The following METTL16 variants were observed in gnomAD, a reference collection of about 807,000 sequenced individuals.
The protein encoded by METTL16 is RNA N(6)-adenosine-methyltransferase METTL16.
A neutral mutation model predicts 57.9 loss-of-function variants in METTL16; 19 were observed. That is an observed-to-expected ratio of 0.33 (90% CI 0.23 to 0.48). The LOEUF is 0.48. Ranked by LOEUF, METTL16 falls within the 20% of genes least tolerant of loss-of-function variation. The probability of loss-of-function intolerance (pLI) is 0.99; values close to 1 mark genes in which losing one functional copy is unlikely to be tolerated. For synonymous variants in METTL16, 246 were observed against 255.6 expected (o/e 0.96, Z 0.36); for missense variants, 434 against 691.5 (o/e 0.63, Z 4.18).
intron 2 of METTL16, among the ~76,000 whole-genome samples, chr17:2,493,379 C>T (rs900351336): frequency 9.9e-5 from 15 of 151,356 alleles, no homozygotes; most frequent in Non-Finnish European, 1.9e-4. Context: ...AGCCACCACA[C>T]CCAGCCCAGT....
chr17:2,423,264 GTGTGTGT>G lies in METTL16; in HGVS notation c.889-2367_889-2361del, dbSNP rs1567879518. Among the ~76,000 whole-genome samples the G allele has an allele frequency of 1.0e-3, 57 of 54,502 alleles. No individual in the cohort carries two copies. In the African/African-American group the frequency reaches 0.019, roughly 18 times the overall value. The allele number at this position is 54,502 out of a possible 152,430, so 35.8% of individuals were successfully genotyped here. On this transcript the variant is annotated intron_variant, in intron 8 of 9. Transcript: ENST00000263092. ...TAGGGAAGGATAAAAAACAAAGGGTGTGTGTGTGTGTGTGTGTGTGTGTGTGTGTGTG... is the reference window on the plus strand; with the variant it reads ...TAGGGAAGGATAAAAAACAAAGGGTGGTGTGTGTGTGTGTGTGTGTGTGTG...
chr17:2,481,228 C>CAA (rs74363068), intron 2 of METTL16, among the ~76,000 whole-genome samples: 28 of 113,888 alleles, frequency 2.5e-4, no homozygotes, highest in African/African-American at 8.1e-4. Context: ...GAAACAATGA[C>CAA]AAAAAAAAAA....
At position 2,423,261 on chromosome 17, in the gene METTL16, G is replaced by GGTGTGTGTGTGTGT. The variant is rs58486923; in HGVS notation, c.889-2371_889-2358dup. 4.8e-3 allele frequency among the ~76,000 whole-genome samples: 696 copies of GGTGTGTGTGTGTGT among 143,688 alleles called. 5 individuals carry two copies. Among genetic ancestry groups the GGTGTGTGTGTGTGT allele is most frequent in the East Asian group, 0.013 (60 of 4,740 alleles). The allele number at this position is 143,688 out of a possible 152,430, so 94.3% of individuals were successfully genotyped here. A position where few individuals can be genotyped will look rare whatever the true frequency, so the allele number is the denominator to read the frequency against. On this transcript the variant is annotated intron_variant, in intron 8 of 9. Coordinates refer to ENST00000263092, the MANE Select transcript of METTL16 (RefSeq NM_024086.4). Reference sequence around the variant, plus strand: ...TGTTAGGGAAGGATAAAAAACAAAGGGTGTGTGTGTGTGTGTGTGTGTGTG... The same window carrying GGTGTGTGTGTGTGT: ...TGTTAGGGAAGGATAAAAAACAAAGGGTGTGTGTGTGTGTGTGTGTGTGTGTGTGTGTGTGTGTG...
chr17:2,496,602 T>C (rs2067447867), intron 2 of METTL16, among the ~76,000 whole-genome samples: 1 of 151,780 alleles, frequency 6.6e-6, no homozygotes, highest in Admixed American at 6.5e-5. Context: ...GGAACTCTCA[T>C]TTACCTACTT....
intron 8 of METTL16, among the ~76,000 whole-genome samples, chr17:2,427,225 G>C (rs1447693781): frequency 6.6e-6 from 1 of 152,202 alleles, no homozygotes; most frequent in African/African-American, 2.4e-5. Flanking sequence ...AAGGATTAGG[G>C]TGAATGAGAT....
At chr17:2,433,203 C>T (rs778237851) in intron 8 of METTL16, among the ~76,000 whole-genome samples, 16 of 152,100 alleles carry the variant, frequency 1.1e-4, no homozygotes, top group African/African-American at 1.4e-4. Flanking sequence ...CAGTGGAGGA[C>T]GTCAGAGGGA....
intron 2 of METTL16, among the ~76,000 whole-genome samples, chr17:2,483,588 G>T (rs555521496): frequency 1.8e-4 from 27 of 152,174 alleles, no homozygotes; most frequent in East Asian, 7.7e-4. Context: ...TAATCCAGGG[G>T]CAACAACCAC....
intron 6 of METTL16, among the ~76,000 whole-genome samples, chr17:2,448,789 T>TAAAAAAA (rs1288709390): frequency 2.1e-5 from 1 of 47,732 alleles, no homozygotes. Flanking sequence ...AATAAAAAAA[T>TAAAAAAA]AAAAATAAAA....
chr17:2,497,728 C>G (rs111247793), intron 2 of METTL16, among the ~76,000 whole-genome samples: 4,167 of 151,482 alleles, frequency 0.028, 202 homozygotes, highest in African/African-American at 0.07. Context: ...CTGCTTCAGA[C>G]TGACAGGTTT....
At chr17:2,478,022 C>G in intron 2 of METTL16, 137 bp from the exon 3 acceptor site, 1 of 651,484 alleles carries the variant, frequency 1.5e-6, no homozygotes, top group South Asian at 1.9e-5. Context: ...GAGCACTCAT[C>G]CCAGTGGCAC....
chr17:2,503,122 G>T (rs2067501930), intron 1 of METTL16, among the ~76,000 whole-genome samples: 1 of 152,142 alleles, frequency 6.6e-6, no homozygotes, highest in South Asian at 2.1e-4. Context: ...ACTGAAAGGA[G>T]GAACTGAAAC....
intron 2 of METTL16, among the ~76,000 whole-genome samples, chr17:2,485,022 G>T (rs1162971158): frequency 6.6e-6 from 1 of 152,122 alleles, no homozygotes; most frequent in Non-Finnish European, 1.5e-5. Flanking sequence ...GACTGATATT[G>T]GTCCCTGGCC....
intron 1 of METTL16, among the ~76,000 whole-genome samples, chr17:2,506,363 C>T (rs2067534379): frequency 6.6e-6 from 1 of 151,196 alleles, no homozygotes; most frequent in South Asian, 2.1e-4. Context: ...CTGCTGCCAT[C>T]TCGGCTCACT....
rs551773571 is a variant in METTL16 at position 2,433,507 on chromosome 17, G to A, written c.888+4602C>T. ...GCAAGATGTGAGGCCATCATGAGCA[G>A]GTTCTGGCCAGGCCAGGAACAACAT... On this transcript the variant is annotated intron_variant, in intron 8 of 9. Coordinates refer to ENST00000263092, the MANE Select transcript of METTL16 (RefSeq NM_024086.4). Among the ~76,000 whole-genome samples, 8 of 152,338 alleles carry A rather than the reference G, an allele frequency of 5.3e-5. No individual in the cohort carries two copies. The South Asian group carries it at 1.4e-3, about 28-fold the overall frequency.
chr17:2,448,730 G>A (rs1480662451), intron 6 of METTL16, among the ~76,000 whole-genome samples: 36 of 64,616 alleles, frequency 5.6e-4, no homozygotes, highest in Non-Finnish European at 5.3e-4. Context: ...AAACACCCAA[G>A]AATGATCAAT....
intron 1 of METTL16, among the ~76,000 whole-genome samples, chr17:2,506,575 C>T (rs1160981185): frequency 6.6e-6 from 1 of 151,602 alleles, no homozygotes; most frequent in Non-Finnish European, 1.5e-5. Flanking sequence ...GACGGAGTTG[C>T]GTTCACTCAG....
At chr17:2,441,228 G>A (rs543171439) in intron 7 of METTL16, among the ~76,000 whole-genome samples, 1 of 152,254 alleles carries the variant, frequency 6.6e-6, no homozygotes, top group South Asian at 2.1e-4. Context: ...CTTCTAAGTA[G>A]GAGTTAAATA....
intron 2 of METTL16, among the ~76,000 whole-genome samples, chr17:2,491,832 G>A (rs1422745071): frequency 5.2e-5 from 7 of 133,670 alleles, no homozygotes; most frequent in South Asian, 2.3e-4. Flanking sequence ...CCGAGATCGC[G>A]CCACTGCACT....
chr17:2,490,246 T>G (rs1471062463), intron 2 of METTL16, among the ~76,000 whole-genome samples: 1 of 152,212 alleles, frequency 6.6e-6, no homozygotes, highest in Non-Finnish European at 1.5e-5. Context: ...CCACTTTTTT[T>G]TTAACTAAAT....
Sources: gnomAD v4.1 joint callset for allele counts (sites outside exome capture counted in the v4.1 genomes callset) on GRCh38, gnomAD v4.1.1 for gene constraint, MANE v1.5 for transcripts, NCBI Gene and HGNC (gene_info 2026-07-23, HGNC 2026-07-21) for gene names.